CHD2: variants seen among roughly 807,000 people sequenced by gnomAD.
The protein encoded by CHD2 is chromodomain helicase DNA binding protein 2, also known as ATP-dependent chromatin remodeler CHD2.
Under a neutral mutation model 243.9 loss-of-function variants are expected in CHD2, and 28 were observed. The ratio of observed to expected loss-of-function variants is 0.11; its 90% CI spans 0.09 to 0.16. The LOEUF is 0.16. Ranked by LOEUF, CHD2 falls within the 10% of genes least tolerant of loss-of-function variation. CHD2 has a pLI of 1.00. For synonymous variants in CHD2, 775 were observed against 779.0 expected (o/e 0.99, Z 0.09); for missense variants, 1,386 against 2,209.8 (o/e 0.63, Z 7.47).
intron 2 of CHD2, 157 bp downstream of exon 2, chr15:92,901,456 A>G: frequency 3.2e-6 from 2 of 620,244 alleles, no homozygotes; most frequent in East Asian, 5.6e-5. Context: ...GATTGCTAAT[A>G]TGCCACACCC....
chr15:92,960,644 T>C (rs541237257), intron 16 of CHD2, among the ~76,000 whole-genome samples: 2 of 151,966 alleles, frequency 1.3e-5, no homozygotes, highest in African/African-American at 2.4e-5. Context: ...TTTGATACTT[T>C]CTATGCATTG....
chr15:92,947,195 G>A (rs988537048), intron 12 of CHD2: 2 of 152,168 alleles, frequency 1.3e-5, no homozygotes, highest in African/African-American at 2.4e-5. Context: ...GCCAAAGAGT[G>A]TGATAGGGAA....
chr15:93,015,434 CGAA>C (rs2054447343), intron 37 of CHD2, among the ~76,000 whole-genome samples: 1 of 151,954 alleles, frequency 6.6e-6, no homozygotes, highest in African/African-American at 2.4e-5. Flanking sequence ...CATGAACAAA[CGAA>C]AAAGACTGAG....
chr15:92,943,588 T>G (rs1253643349), intron 9 of CHD2: 2 of 161,908 alleles, frequency 1.2e-5, no homozygotes, highest in Non-Finnish European at 2.7e-5. Flanking sequence ...AATTATTAGG[T>G]TAACTACTGA....
At position 93,000,399 on chromosome 15, in the gene CHD2, T is replaced by G. The variant is rs976602222; in HGVS notation, c.4009-113T>G. 1.4e-5 allele frequency: 16 copies of G among 1,124,258 alleles called. No individual in the cohort carries two copies. In the Middle Eastern group the frequency reaches 1.4e-3, roughly 101 times the overall value. The allele number at this position is 1,124,258 out of a possible 1,614,324, so 69.6% of individuals were successfully genotyped here. A position where few individuals can be genotyped will look rare whatever the true frequency, so the allele number is the denominator to read the frequency against. On this transcript the variant is annotated intron_variant, in intron 31 of 38. Transcript: ENST00000394196. ...TGCACTCTTTTGATTTCTTTGGAAT[T>G]TTCTTGTTTGAATTATATGGCTGCT...
intron 28 of CHD2, among the ~76,000 whole-genome samples, chr15:92,994,462 T>C (rs1027222952): frequency 2.0e-5 from 3 of 152,064 alleles, no homozygotes; most frequent in Admixed American, 6.5e-5. Context: ...TTTAAAAATA[T>C]CTTCAAGAGA....
At position 92,939,659 on chromosome 15, in the gene CHD2, T is replaced by G. The variant is rs768365369; in HGVS notation, c.633T>G (p.Asp211Glu). 9 of 1,612,752 alleles carry G rather than the reference T, an allele frequency of 5.6e-6. No individual in the cohort carries two copies. The highest frequency in any genetic ancestry group is 1.7e-5 in the Admixed American group (1 of 59,922). Residue 211 changes from aspartate (D) to glutamate (E), a missense_variant, in exon 7 of 39, where the codon GAT becomes GAG. This residue lies in a region of CHD2 where 90 missense variants were observed against 78.0 expected (regional missense o/e 1.15). Transcript: ENST00000394196. ...KRKKQDSSDE[D>E]DDDDEAPKRQ... ...AAAAGCAAGATTCTTCTGATGAGGA[T>G]GATGATGATGACGAAGCTCCCAAAA...
chr15:92,909,185 TGTAA>T (rs1354015164), intron 2 of CHD2, among the ~76,000 whole-genome samples: 8 of 152,272 alleles, frequency 5.3e-5, no homozygotes, highest in East Asian at 3.9e-4. Context: ...CTGAATTCCT[TGTAA>T]GTGTCTTCTA....
intron 16 of CHD2, among the ~76,000 whole-genome samples, chr15:92,961,964 C>G (rs922413723): frequency 7.1e-6 from 1 of 140,482 alleles, no homozygotes; most frequent in African/African-American, 2.6e-5. Context: ...TCACTGCAAC[C>G]TCCGCCTTCC....
At chr15:92,934,526 G>GTAT (rs2053231058) in intron 5 of CHD2, among the ~76,000 whole-genome samples, 1 of 152,120 alleles carries the variant, frequency 6.6e-6, no homozygotes. Context: ...CTTTATTGTA[G>GTAT]ACTGACTTAC....
chr15:92,913,387 T>C (rs976317656), intron 2 of CHD2, among the ~76,000 whole-genome samples: 1 of 152,230 alleles, frequency 6.6e-6, no homozygotes, highest in African/African-American at 2.4e-5. Flanking sequence ...CAGTGGTCTT[T>C]AACTAGTGGC....
chr15:92,903,870 C>A (rs1356705298), intron 2 of CHD2, among the ~76,000 whole-genome samples: 2 of 152,158 alleles, frequency 1.3e-5, no homozygotes, highest in African/African-American at 4.8e-5. Flanking sequence ...ACCTGAGGTG[C>A]GGGTAAATCC....
intron 16 of CHD2, among the ~76,000 whole-genome samples, chr15:92,957,483 T>A (rs1235500538): frequency 1.3e-5 from 2 of 152,192 alleles, no homozygotes; most frequent in East Asian, 3.8e-4. Flanking sequence ...ATAGCATCTC[T>A]TTTTACATTT....
chr15:93,014,633 T>A, intron 36 of CHD2, 63 bp from the exon 37 acceptor site: 1 of 1,471,324 alleles, frequency 6.8e-7, no homozygotes, highest in Non-Finnish European at 9.4e-7. Flanking sequence ...TGATAGCCTT[T>A]ATTCTTCTCT....
chr15:92,953,288 G>A (rs2053577835), intron 13 of CHD2, 69 bp from the exon 14 acceptor site: 4 of 1,311,418 alleles, frequency 3.1e-6, no homozygotes. Flanking sequence ...TGTCGTTGCT[G>A]TTTATGCACA....
At chr15:93,017,651 C>T (rs1007833465) in intron 37 of CHD2, among the ~76,000 whole-genome samples, 8 of 151,998 alleles carry the variant, frequency 5.3e-5, no homozygotes, top group Non-Finnish European at 1.5e-5. Context: ...CTGGCCTAAA[C>T]GCATTCTTTT....
intron 13 of CHD2, among the ~76,000 whole-genome samples, chr15:92,952,952 G>A (rs2053573219): frequency 6.6e-6 from 1 of 152,194 alleles, no homozygotes. Flanking sequence ...AGTGGAATGG[G>A]GTGGGCCAGC....
intron 2 of CHD2, among the ~76,000 whole-genome samples, chr15:92,923,137 T>G (rs530817041): frequency 2.6e-5 from 4 of 152,324 alleles, no homozygotes; most frequent in Non-Finnish European, 5.9e-5. Flanking sequence ...TGGATTGAAG[T>G]TAATGTGTAT....
At chr15:93,014,374 A>G (rs1010882291) in intron 36 of CHD2, among the ~76,000 whole-genome samples, 23 of 152,170 alleles carry the variant, frequency 1.5e-4, no homozygotes, top group Admixed American at 6.5e-5. Flanking sequence ...TTGGTTTTAC[A>G]TGGTCCAGGA....
Sources: allele counts gnomAD v4.1 joint callset (sites outside exome capture counted in the v4.1 genomes callset), GRCh38; gene constraint gnomAD v4.1.1; regional missense constraint gnomAD v4.1.1; transcripts MANE v1.5; gene names NCBI Gene and HGNC (gene_info 2026-07-23, HGNC 2026-07-21).